The following PDCD1 variants were observed in gnomAD, a reference collection of about 807,000 sequenced individuals.
PDCD1 encodes the protein programmed cell death 1.
PDCD1 carries 10 observed loss-of-function variants against 23.6 expected under a neutral mutation model. That is an observed-to-expected ratio of 0.42 (90% CI 0.26 to 0.72). The LOEUF is 0.72. Among genes scored for constraint, PDCD1 ranks in the 30% least tolerant of loss-of-function variants. The probability of loss-of-function intolerance (pLI) is 0.24; values close to 1 mark genes in which losing one functional copy is unlikely to be tolerated. For missense variants in PDCD1, 313 were observed against 397.8 expected (o/e 0.79, Z 1.81); for synonymous variants, 168 against 169.3 (o/e 0.99, Z 0.06).
At position 241,850,436 on chromosome 2, in the gene PDCD1, G is replaced by A. The variant is rs1229772006; in HGVS notation, c.*622C>T. 2 of 248,166 alleles carry A rather than the reference G, an allele frequency of 8.1e-6. No individual in the cohort carries two copies. Among genetic ancestry groups the A allele is most frequent in the Non-Finnish European group, 1.6e-5 (2 of 127,500 alleles). 15.4% of individuals were successfully genotyped at this position (248,166 alleles called of 1,614,324 possible). ...GGCCTGAGGTGCTGCCTGGGCATGT[G>A]TAAAGGTGGAGGGGTTTCCTGCCCT... On this transcript the variant is annotated 3_prime_UTR_variant, in exon 5 of 5. Transcript: ENST00000334409.
intron 1 of PDCD1, 131 bp downstream of exon 1, chr2:241,858,632 C>A: frequency 5.2e-6 from 4 of 767,494 alleles, no homozygotes; most frequent in Non-Finnish European, 9.0e-6. Flanking sequence ...TCCCTCCAGA[C>A]CCCTCGCTCC....
chr2:241,852,730 G>A lies in PDCD1; in HGVS notation c.327C>T (p.Ser109=), dbSNP rs370268595. ...TGTCATTGCGCCGGGCCCTGACCAC[G>A]CTCATGTGGAAGTCACGCCCGTTGG... is the stretch of plus-strand genomic sequence containing the variant. ...QLPNGRDFHM[S]VVRARRNDSG... The change falls in exon 2 of 5, where the codon AGC becomes AGT. Residue 109 remains serine, a synonymous_variant. Coordinates refer to ENST00000334409, the MANE Select transcript of PDCD1 (RefSeq NM_005018.3). 1.6e-5 allele frequency: 26 copies of A among 1,613,826 alleles called. No homozygotes were observed. The highest frequency in any genetic ancestry group is 1.3e-4 in the African/African-American group (10 of 74,926).
At chr2:241,857,713 G>C (rs889990576) in intron 1 of PDCD1, among the ~76,000 whole-genome samples, 2 of 152,210 alleles carry the variant, frequency 1.3e-5, no homozygotes, top group African/African-American at 2.4e-5. Context: ...CCCGGGAGAG[G>C]GGCCGAGGTG....
chr2:241,852,993 G>A lies in PDCD1; in HGVS notation c.77-13C>T, dbSNP rs1331696906. The A allele has an allele frequency of 1.3e-6, 2 of 1,542,556 alleles. No individual in the cohort carries two copies. Among genetic ancestry groups the A allele is most frequent in the Non-Finnish European group, 1.7e-6 (2 of 1,148,948 alleles). Reference sequence around the variant, plus strand: ...CTGTCTGGGGAGTCTGAGAGATGGAGAGAGGTGAGGAAGGGGCTGGGTGGC... The same window carrying A: ...CTGTCTGGGGAGTCTGAGAGATGGAAAGAGGTGAGGAAGGGGCTGGGTGGC... On this transcript the variant is annotated splice_polypyrimidine_tract_variant and intron_variant, in intron 1 of 4. Transcript: ENST00000334409.
At position 241,850,624 on chromosome 2, in the gene PDCD1, C is replaced by G. The variant is rs1700879528; in HGVS notation, c.*434G>C. The G allele has an allele frequency of 2.2e-6, 1 of 449,748 alleles. No individual in the cohort carries two copies. Among genetic ancestry groups the G allele is most frequent in the Non-Finnish European group, 4.2e-6 (1 of 239,630 alleles). The allele number at this position is 449,748 out of a possible 1,614,324, so 27.9% of individuals were successfully genotyped here. On this transcript the variant is annotated 3_prime_UTR_variant, in exon 5 of 5. Transcript: ENST00000334409. ...TTTCGGGATGCCACTGCCAGGGGCA[C>G]CTTGGCTGCTCCAAGGCCATCTCCA... is the stretch of plus-strand genomic sequence containing the variant.
chr2:241,854,485 G>A (rs1202788159), intron 1 of PDCD1, among the ~76,000 whole-genome samples: 2 of 152,168 alleles, frequency 1.3e-5, no homozygotes, highest in African/African-American at 4.8e-5. Flanking sequence ...GGGCTGTGGG[G>A]TAGTGTGACT....
Position 241,851,760 on chromosome 2 carries a change from C to T in PDCD1, c.627+189G>A, listed in dbSNP as rs11568821. Among the ~76,000 whole-genome samples, 11,536 of 152,192 alleles carry T rather than the reference C, an allele frequency of 0.076. 593 individuals are homozygous for T. The highest frequency in any genetic ancestry group is 0.16 in the Middle Eastern group (47 of 294). On this transcript the variant is annotated intron_variant, in intron 4 of 4. Transcript: ENST00000334409. ...ACATGGGCCGGGCACCCCCGGAGACCGCAGGTGGGCTGGGGCCCCAGATCA... is the reference window on the plus strand; with the variant it reads ...ACATGGGCCGGGCACCCCCGGAGACTGCAGGTGGGCTGGGGCCCCAGATCA...
intron 4 of PDCD1, 125 bp from the exon 5 acceptor site, chr2:241,851,422 G>A: frequency 7.8e-6 from 7 of 902,594 alleles, no homozygotes; most frequent in Non-Finnish European, 1.2e-5. Flanking sequence ...TGCTTACCCT[G>A]AGCTGTCCCA....
chr2:241,858,159 G>C (rs896457962), intron 1 of PDCD1, among the ~76,000 whole-genome samples: 4 of 152,214 alleles, frequency 2.6e-5, no homozygotes, highest in African/African-American at 7.2e-5. Context: ...CCACCCAGGA[G>C]GGATCCTGGA....
Position 241,850,918 on chromosome 2 carries a change from T to C in PDCD1, c.*140A>G. On this transcript the variant is annotated 3_prime_UTR_variant, in exon 5 of 5. Transcript: ENST00000334409. The stretch of plus-strand genomic sequence containing the variant: ...GGCTGTGCCTGGTGCAGGTGCAGGC[T>C]GGAGCCCCGGTCGCCCCCAGGCAGC... 1 of 1,071,650 alleles carries C rather than the reference T, an allele frequency of 9.3e-7. No individual in the cohort carries two copies. The highest frequency in any genetic ancestry group is 1.3e-6 in the Non-Finnish European group (1 of 755,436). The allele number at this position is 1,071,650 out of a possible 1,614,324, so 66.4% of individuals were successfully genotyped here.
At chr2:241,857,086 G>A (rs560085251) in intron 1 of PDCD1, among the ~76,000 whole-genome samples, 29 of 152,330 alleles carry the variant, frequency 1.9e-4, no homozygotes, top group African/African-American at 7.0e-4. Context: ...CCGGGTTGGG[G>A]ATATCTCATA....
In PDCD1 at chr2:241,850,999, T is replaced by G. The variant is rs1559446975; in HGVS notation, c.*59A>C. 1 of 1,557,392 alleles carries G rather than the reference T, an allele frequency of 6.4e-7. No homozygotes were observed. Among genetic ancestry groups the G allele is most frequent in the East Asian group, 2.3e-5 (1 of 44,222 alleles). On this transcript the variant is annotated 3_prime_UTR_variant, in exon 5 of 5. Coordinates refer to ENST00000334409, the MANE Select transcript of PDCD1 (RefSeq NM_005018.3). ...ACCCTGCCTGCTTCTCCTGAGGAAA[T>G]GCGCTGACCCGGGCTCATGGTGGAG...
chr2:241,855,344 C>T (rs1274433478), intron 1 of PDCD1, among the ~76,000 whole-genome samples: 1 of 152,162 alleles, frequency 6.6e-6, no homozygotes. Flanking sequence ...TGCCTCACCC[C>T]AGTCCTCAGG....
At chr2:241,853,122 C>T in intron 1 of PDCD1, 142 bp from the exon 2 acceptor site, 1 of 1,005,770 alleles carries the variant, frequency 9.9e-7, no homozygotes, top group Non-Finnish European at 1.4e-6. Flanking sequence ...GCTGGGGCCT[C>T]TGCCACCCGG....
intron 1 of PDCD1, among the ~76,000 whole-genome samples, chr2:241,857,007 C>T (rs1181970314): frequency 6.6e-6 from 1 of 152,212 alleles, no homozygotes; most frequent in Admixed American, 6.5e-5. Flanking sequence ...GACTGGAGCT[C>T]ACAGTGGTCC....
At chr2:241,856,438 G>C (rs1358813614) in intron 1 of PDCD1, among the ~76,000 whole-genome samples, 8 of 152,268 alleles carry the variant, frequency 5.3e-5, no homozygotes, top group African/African-American at 1.9e-4. Context: ...ATTGATTCTA[G>C]GTGAGGGATA....
Position 241,852,763 on chromosome 2 carries a change from T to A in PDCD1, c.294A>T (p.Thr98=). The A allele has an allele frequency of 6.2e-7, 1 of 1,614,006 alleles. No homozygotes were observed. The highest frequency in any genetic ancestry group is 8.5e-7 in the Non-Finnish European group (1 of 1,180,016). Residue 98 remains threonine, a synonymous_variant, in exon 2 of 5, where the codon ACA becomes ACT. Transcript: ENST00000334409. ...GGAAGTCACGCCCGTTGGGCAGTTG[T>A]GTGACACGGAAGCGGCAGTCCTGGC... ...QPGQDCRFRV[T]QLPNGRDFHM... is the part of the protein sequence containing the mutation.
chr2:241,855,317 G>A (rs576533964), intron 1 of PDCD1, among the ~76,000 whole-genome samples: 5 of 151,820 alleles, frequency 3.3e-5, no homozygotes, highest in East Asian at 2.0e-4. Flanking sequence ...GCTGGGTGGC[G>A]ACCCCCACGC....
intron 1 of PDCD1, 37 bp from the exon 2 acceptor site, chr2:241,853,017 G>T (rs1231264579): frequency 6.6e-7 from 1 of 1,523,770 alleles, no homozygotes; most frequent in Admixed American, 2.0e-5. Flanking sequence ...GGGCTGGGTG[G>T]CCCCACAAAG....
Sources: gnomAD v4.1 joint callset for allele counts (sites outside exome capture counted in the v4.1 genomes callset) on GRCh38, gnomAD v4.1.1 for gene constraint, MANE v1.5 for transcripts, NCBI Gene and HGNC (gene_info 2026-07-23, HGNC 2026-07-21) for gene names.